Variants in DDX4 observed in about 807,000 individuals in gnomAD.
DDX4 encodes the protein DEAD-box helicase 4.
A neutral mutation model predicts 100.0 loss-of-function variants in DDX4; 25 were observed. The ratio of observed to expected loss-of-function variants is 0.25; its 90% CI spans 0.18 to 0.35. DDX4 has a LOEUF of 0.35. Among genes scored for constraint, DDX4 ranks in the 10% least tolerant of loss-of-function variants. DDX4 has a pLI of 1.00. For missense variants in DDX4, 635 were observed against 882.4 expected (o/e 0.72, Z 3.55); for synonymous variants, 259 against 275.7 (o/e 0.94, Z 0.60).
In DDX4 at chr5:55,804,463, G is replaced by A. The variant is rs532681286; in HGVS notation, c.1615+5892G>A. 2.3e-3 allele frequency among the ~76,000 whole-genome samples: 357 copies of A among 152,216 alleles called. 5 individuals carry two copies. Among genetic ancestry groups the A allele is most frequent in the Non-Finnish European group, 2.0e-3 (139 of 68,014 alleles). ...GGGTTTTTATGGTTTCTGGTCTAAC[G>A]TTTAAGTCTTTAATCCATCTTGAAT... On this transcript the variant is annotated intron_variant, in intron 18 of 21. Transcript: ENST00000505374.
At position 55,786,652 on chromosome 5, in the gene DDX4, A is replaced by G; in HGVS notation, c.999A>G (p.Gln333=). Residue 333 remains glutamine, a synonymous_variant, in exon 14 of 22, where the codon CAA becomes CAG. Transcript: ENST00000505374. ...GACGAGATTTGATGGCTTGCGCTCA[A>G]ACAGGGTCTGGGAAGACTGTAAGTC... ...LAGRDLMACA[Q]TGSGKTAAFL... The G allele has an allele frequency of 4.3e-6, 7 of 1,613,518 alleles. No homozygotes were observed. The highest frequency in any genetic ancestry group is 5.9e-6 in the Non-Finnish European group (7 of 1,179,520).
Position 55,760,264 on chromosome 5 carries a change from T to G in DDX4, c.192T>G (p.Asn64Lys), listed in dbSNP as rs768949179. Residue 64 changes from asparagine (N) to lysine (K), a missense_variant, in exon 4 of 22, where the codon AAT (asparagine) becomes AAG (lysine). By Grantham distance (94) the Asn-to-Lys change is moderately conservative. This residue lies in a region of DDX4 where 446 missense variants were observed against 540.8 expected (regional missense o/e 0.82). Coordinates refer to ENST00000505374, the MANE Select transcript of DDX4 (RefSeq NM_024415.3). Reference sequence around the variant, plus strand: ...AAAGTGGATTTGCCTCTGGGCGGAATTTTGGAAACAGAGGTAAGCATCTTT... The same window carrying G: ...AAAGTGGATTTGCCTCTGGGCGGAAGTTTGGAAACAGAGGTAAGCATCTTT... ...FMKSGFASGR[N>K]FGNRDAGECN... The G allele has an allele frequency of 6.4e-7, 1 of 1,571,008 alleles. No individual in the cohort carries two copies. The highest frequency in any genetic ancestry group is 2.4e-5 in the East Asian group (1 of 41,494).
At chr5:55,794,584 T>C (rs963534532) in intron 17 of DDX4, among the ~76,000 whole-genome samples, 1 of 152,138 alleles carries the variant, frequency 6.6e-6, no homozygotes, top group Admixed American at 6.5e-5. Flanking sequence ...CCTGACTCTT[T>C]TTAGATTCAC....
intron 2 of DDX4, chr5:55,742,378 T>A (rs1759027748): frequency 3.8e-6 from 1 of 265,192 alleles, no homozygotes; most frequent in Admixed American, 3.6e-5. Context: ...TGTGGCACAT[T>A]TCAGAAGGCA....
chr5:55,778,429 T>A (rs1741703612), intron 7 of DDX4, among the ~76,000 whole-genome samples: 1 of 152,166 alleles, frequency 6.6e-6, no homozygotes, highest in Admixed American at 6.5e-5. Flanking sequence ...TTTAAATATT[T>A]CTTTTCTCAG....
intron 18 of DDX4, among the ~76,000 whole-genome samples, chr5:55,811,412 C>T (rs993607444): frequency 1.3e-5 from 2 of 151,980 alleles, no homozygotes; most frequent in South Asian, 2.1e-4. Context: ...CATGATTATA[C>T]TAAGAATTAT....
rs574631740 is a variant in DDX4, at chr5:55,790,758, T to C, written c.1302+53T>C. On this transcript the variant is annotated intron_variant, in intron 16 of 21. Transcript: ENST00000505374. The stretch of plus-strand genomic sequence containing the variant: ...TGAGATTGATACTTTTTGTTTGGTA[T>C]GGGAAAAGGAAAGAATGAGGTAAAG... 48 of 1,545,994 alleles carry C rather than the reference T, an allele frequency of 3.1e-5. No homozygotes were observed. In the East Asian group the frequency reaches 9.7e-4, roughly 31 times the overall value.
intron 2 of DDX4, 111 bp from the exon 3 acceptor site, chr5:55,746,050 CATT>C (rs1759233925): frequency 2.6e-6 from 2 of 766,174 alleles, no homozygotes. Flanking sequence ...TACAGTCTAT[CATT>C]ATTTTGTTCT....
chr5:55,797,131 A>T (rs1743015336), intron 17 of DDX4, among the ~76,000 whole-genome samples: 1 of 152,094 alleles, frequency 6.6e-6, no homozygotes, highest in Non-Finnish European at 1.5e-5. Context: ...GGCATGAGCC[A>T]CTGTGCCCCG....
chr5:55,816,573 T>A lies in DDX4; in HGVS notation c.*33T>A. ...ACATCCTTCAAGTCTGTGGTTTTGATGCAGAGAAGAAAATAGTTTTGATTT... is the reference window on the plus strand; with the variant it reads ...ACATCCTTCAAGTCTGTGGTTTTGAAGCAGAGAAGAAAATAGTTTTGATTT... On this transcript the variant is annotated 3_prime_UTR_variant, in exon 22 of 22. Coordinates refer to ENST00000505374, the MANE Select transcript of DDX4 (RefSeq NM_024415.3). The A allele has an allele frequency of 6.2e-7, 1 of 1,603,400 alleles. No individual in the cohort carries two copies. The highest frequency in any genetic ancestry group is 8.5e-7 in the Non-Finnish European group (1 of 1,175,620).
chr5:55,739,966 C>T (rs1053155103), intron 2 of DDX4, among the ~76,000 whole-genome samples: 2 of 152,040 alleles, frequency 1.3e-5, no homozygotes, highest in Non-Finnish European at 2.9e-5. Context: ...GTTTCCAACT[C>T]CTGAGTTCAG....
intron 18 of DDX4, among the ~76,000 whole-genome samples, chr5:55,804,465 T>G (rs1168094191): frequency 1.3e-5 from 2 of 152,236 alleles, no homozygotes; most frequent in South Asian, 2.1e-4. Context: ...GGTCTAACGT[T>G]TAAGTCTTTA....
chr5:55,813,814 T>G (rs772802630), intron 19 of DDX4, 42 bp downstream of exon 19: 1 of 1,503,292 alleles, frequency 6.7e-7, no homozygotes, highest in East Asian at 2.4e-5. Flanking sequence ...GAATGACTTC[T>G]ATTTGGTATT....
At chr5:55,786,107 T>C (rs1349084489) in intron 13 of DDX4, among the ~76,000 whole-genome samples, 1 of 152,158 alleles carries the variant, frequency 6.6e-6, no homozygotes, top group Non-Finnish European at 1.5e-5. Context: ...TATTTAAACT[T>C]ACTTAAAAAA....
intron 2 of DDX4, chr5:55,742,085 A>T: frequency 9.0e-6 from 4 of 442,960 alleles, no homozygotes; most frequent in South Asian, 6.3e-5. Flanking sequence ...AGAACTTCTC[A>T]ATTCTAAATT....
rs371593388 is a variant in DDX4, at chr5:55,761,764, C to T, written c.206-1411C>T. Reference sequence around the variant, plus strand: ...CTGAGATTACAGGTGTGCGCCACCACGCCCAGCTAATTGTTTTTTATTAGT... The same window carrying T: ...CTGAGATTACAGGTGTGCGCCACCATGCCCAGCTAATTGTTTTTTATTAGT... On this transcript the variant is annotated intron_variant, in intron 4 of 21. Transcript: ENST00000505374. Among the ~76,000 whole-genome samples, 14 of 152,186 alleles carry T rather than the reference C, an allele frequency of 9.2e-5. No individual in the cohort carries two copies. The East Asian group carries it at 1.5e-3, about 17-fold the overall frequency.
intron 18 of DDX4, among the ~76,000 whole-genome samples, chr5:55,799,058 C>A (rs1378413423): frequency 6.6e-6 from 1 of 152,012 alleles, no homozygotes; most frequent in Non-Finnish European, 1.5e-5. Context: ...TCTACTCCCC[C>A]AATCAATTTT....
intron 18 of DDX4, among the ~76,000 whole-genome samples, chr5:55,809,493 T>C (rs1461864837): frequency 1.3e-5 from 2 of 152,228 alleles, no homozygotes; most frequent in African/African-American, 2.4e-5. Flanking sequence ...AGAAGAAACC[T>C]GATTTATGAA....
chr5:55,758,184 T>C lies in DDX4; in HGVS notation c.128-2016T>C, dbSNP rs1197334182. Among the ~76,000 whole-genome samples the C allele has an allele frequency of 3.9e-5, 6 of 152,246 alleles. No homozygotes were observed. In the East Asian group the frequency reaches 1.2e-3, roughly 29 times the overall value. On this transcript the variant is annotated intron_variant, in intron 3 of 21. Transcript: ENST00000505374. ...GTGTTAAATTATGTAATATACTTTA[T>C]CTGGAGAGATTAGTTATTTTTTATT... is the stretch of plus-strand genomic sequence containing the variant.
Sources: allele counts gnomAD v4.1 joint callset (sites outside exome capture counted in the v4.1 genomes callset), GRCh38; gene constraint gnomAD v4.1.1; regional missense constraint gnomAD v4.1.1; transcripts MANE v1.5; gene names NCBI Gene and HGNC (gene_info 2026-07-23, HGNC 2026-07-21).